Variants in GABRB2 observed in about 807,000 individuals in gnomAD.
GABRB2 encodes the protein gamma-aminobutyric acid type A receptor subunit beta2.
A neutral mutation model predicts 54.7 loss-of-function variants in GABRB2; 16 were observed. The observed-to-expected ratio is 0.29, with a 90% confidence interval of 0.20 to 0.44. The LOEUF (loss-of-function observed/expected upper bound fraction) is 0.44. Among genes scored for constraint, GABRB2 ranks in the 20% least tolerant of loss-of-function variants. The pLI is 1.00. For missense variants in GABRB2, 355 were observed against 644.0 expected (o/e 0.55, Z 4.86); for synonymous variants, 244 against 233.8 (o/e 1.04, Z -0.40).
chr5:161,356,766 G>A (rs140199367), intron 5 of GABRB2, among the ~76,000 whole-genome samples: 2 of 152,256 alleles, frequency 1.3e-5, no homozygotes, highest in African/African-American at 4.8e-5. Flanking sequence ...AAGAAACACA[G>A]AGAGGCACTC....
At chr5:161,335,395 T>C (rs1286088795) in intron 6 of GABRB2, among the ~76,000 whole-genome samples, 1 of 151,960 alleles carries the variant, frequency 6.6e-6, no homozygotes, top group Non-Finnish European at 1.5e-5. Flanking sequence ...TATATGCTTC[T>C]TTTTTTTAAT....
At chr5:161,346,284 C>T (rs1754316512) in intron 5 of GABRB2, among the ~76,000 whole-genome samples, 1 of 152,088 alleles carries the variant, frequency 6.6e-6, no homozygotes, top group Admixed American at 6.6e-5. Context: ...GGAAACCACT[C>T]TGCCACAATT....
chr5:161,541,330 C>T (rs12186537), intron 3 of GABRB2, among the ~76,000 whole-genome samples: 104 of 152,292 alleles, frequency 6.8e-4, no homozygotes, highest in Non-Finnish European at 1.2e-3. Flanking sequence ...GGATTTGAGA[C>T]AGCATTCACT....
At chr5:161,495,546 T>A (rs1198971227) in intron 3 of GABRB2, among the ~76,000 whole-genome samples, 1 of 152,074 alleles carries the variant, frequency 6.6e-6, no homozygotes, top group South Asian at 2.1e-4. Flanking sequence ...GATAGTTCAC[T>A]ATATCAAGGT....
intron 4 of GABRB2, among the ~76,000 whole-genome samples, chr5:161,458,214 A>G (rs538331513): frequency 6.6e-6 from 1 of 152,310 alleles, no homozygotes; most frequent in Non-Finnish European, 1.5e-5. Flanking sequence ...TTTTAGTATC[A>G]TGTATCTGCT....
intron 3 of GABRB2, among the ~76,000 whole-genome samples, chr5:161,466,350 G>A (rs1173343113): frequency 6.6e-6 from 1 of 151,858 alleles, no homozygotes; most frequent in East Asian, 1.9e-4. Context: ...AAATATCTTT[G>A]GTAGATATTT....
chr5:161,310,445 A>G (rs984627710), intron 9 of GABRB2, among the ~76,000 whole-genome samples: 14 of 152,258 alleles, frequency 9.2e-5, no homozygotes, highest in African/African-American at 3.4e-4. Context: ...CTTATCTCAG[A>G]ACAAGAAATC....
chr5:161,332,157 C>G (rs1342348528), intron 7 of GABRB2, among the ~76,000 whole-genome samples: 1 of 125,366 alleles, frequency 8.0e-6, no homozygotes, highest in Non-Finnish European at 1.6e-5. Context: ...CACAGCAAGA[C>G]TCCGTCTCAA....
At chr5:161,344,240 G>T (rs949555975) in intron 5 of GABRB2, among the ~76,000 whole-genome samples, 3 of 152,048 alleles carry the variant, frequency 2.0e-5, no homozygotes, top group African/African-American at 7.2e-5. Context: ...CATTGCTGAT[G>T]CTGTCTCTAT....
upstream of GABRB2, chr5:161,546,781 G>C (rs1448618248): frequency 1.4e-6 from 2 of 1,464,406 alleles, no homozygotes; most frequent in East Asian, 5.0e-5. Context: ...GGCTGCCGGG[G>C]ACCGAGCAGA....
intron 5 of GABRB2, among the ~76,000 whole-genome samples, chr5:161,377,653 G>A (rs1314485949): frequency 1.3e-5 from 2 of 152,028 alleles, no homozygotes; most frequent in African/African-American, 4.8e-5. Context: ...ACTTTAAACT[G>A]GAAAGCAATT....
chr5:161,424,723 T>C (rs1756948944), intron 4 of GABRB2, among the ~76,000 whole-genome samples: 1 of 152,136 alleles, frequency 6.6e-6, no homozygotes, highest in Non-Finnish European at 1.5e-5. Context: ...CAAGGAGTAA[T>C]TTTGACTTCC....
intron 3 of GABRB2, among the ~76,000 whole-genome samples, chr5:161,540,177 C>G (rs1351992766): frequency 6.6e-6 from 1 of 152,214 alleles, no homozygotes; most frequent in African/African-American, 2.4e-5. Context: ...AGTCAAACCT[C>G]TCAAATCTGG....
At position 161,320,375 on chromosome 5, in the gene GABRB2, G is replaced by A. The variant is rs544628662; in HGVS notation, c.1191+5993C>T. 2.2e-3 allele frequency among the ~76,000 whole-genome samples: 327 copies of A among 151,634 alleles called. 3 individuals are homozygous for A. Among genetic ancestry groups the A allele is most frequent in the African/African-American group, 7.6e-3 (314 of 41,450 alleles). ...AATTTTTATTGTATCTTTGACACAC[G>A]TGACTTGTACATAAAAGAGTTTATA... is the stretch of plus-strand genomic sequence containing the variant. On this transcript the variant is annotated intron_variant, in intron 9 of 9. Coordinates refer to ENST00000393959, the MANE Select transcript of GABRB2 (RefSeq NM_001371727.1).
chr5:161,451,645 C>T (rs980041792), intron 4 of GABRB2, among the ~76,000 whole-genome samples: 1 of 152,002 alleles, frequency 6.6e-6, no homozygotes, highest in African/African-American at 2.4e-5. Flanking sequence ...TAAGCCATAT[C>T]CTATATTAGA....
At chr5:161,520,433 G>C (rs552705022) in intron 3 of GABRB2, among the ~76,000 whole-genome samples, 1 of 152,040 alleles carries the variant, frequency 6.6e-6, no homozygotes, top group Non-Finnish European at 1.5e-5. Context: ...AAACCATGTA[G>C]TTACAAAATA....
intron 5 of GABRB2, among the ~76,000 whole-genome samples, chr5:161,378,692 AC>A (rs1405903263): frequency 6.6e-6 from 1 of 152,228 alleles, no homozygotes; most frequent in African/African-American, 2.4e-5. Context: ...GCTAAAAATA[AC>A]ATTTAATATA....
chr5:161,458,060 A>G (rs146382351), intron 4 of GABRB2, among the ~76,000 whole-genome samples: 1 of 152,112 alleles, frequency 6.6e-6, no homozygotes, highest in Non-Finnish European at 1.5e-5. Context: ...CTTCTTCTAG[A>G]TTCTTACCTC....
intron 5 of GABRB2, among the ~76,000 whole-genome samples, chr5:161,370,947 T>C: frequency 6.6e-6 from 1 of 152,312 alleles, no homozygotes; most frequent in East Asian, 1.9e-4. Flanking sequence ...CAAGAAATAA[T>C]GTTCCTAACC....
Sources: gnomAD v4.1 joint callset for allele counts (sites outside exome capture counted in the v4.1 genomes callset) on GRCh38, gnomAD v4.1.1 for gene constraint, MANE v1.5 for transcripts, NCBI Gene and HGNC (gene_info 2026-07-23, HGNC 2026-07-21) for gene names.